Variants in FBXL7 observed in about 807,000 individuals in gnomAD.
FBXL7 encodes the protein F-box/LRR-repeat protein 7.
In FBXL7, 12 loss-of-function variants were observed where a neutral mutation model predicts 38.3. The ratio of observed to expected loss-of-function variants is 0.31; its 90% CI spans 0.20 to 0.51. The LOEUF is 0.51. FBXL7 is among the 20% of genes least tolerant of loss of function. The pLI, the probability that FBXL7 is intolerant of heterozygous loss-of-function variation, is 0.98. For missense variants in FBXL7, 567 were observed against 676.4 expected (o/e 0.84, Z 1.79); for synonymous variants, 297 against 300.9 (o/e 0.99, Z 0.13).
intron 2 of FBXL7, among the ~76,000 whole-genome samples, chr5:15,776,812 G>A (rs1736867594): frequency 6.6e-6 from 1 of 151,922 alleles, no homozygotes. Flanking sequence ...ACATAACAAT[G>A]GATAATGGTA....
At chr5:15,766,562 G>A (rs1395416293) in intron 2 of FBXL7, among the ~76,000 whole-genome samples, 1 of 152,284 alleles carries the variant, frequency 6.6e-6, no homozygotes. Flanking sequence ...ATATTTAAAA[G>A]GCTGCTTTGG....
intron 2 of FBXL7, among the ~76,000 whole-genome samples, chr5:15,864,302 C>A (rs1739610702): frequency 6.6e-6 from 1 of 152,114 alleles, no homozygotes; most frequent in Non-Finnish European, 1.5e-5. Flanking sequence ...TGGACTAAGA[C>A]ACCATTTCTA....
chr5:15,857,180 C>T (rs1739297133), intron 2 of FBXL7, among the ~76,000 whole-genome samples: 1 of 152,112 alleles, frequency 6.6e-6, no homozygotes, highest in Non-Finnish European at 1.5e-5. Context: ...AAACACTGAG[C>T]CTGAGAGGGG....
intron 1 of FBXL7, among the ~76,000 whole-genome samples, chr5:15,566,820 A>G (rs1188340581): frequency 6.6e-6 from 1 of 152,154 alleles, no homozygotes. Flanking sequence ...GGACCTATTT[A>G]TGGTGACTTG....
At chr5:15,533,252 G>A (rs1737479715) in intron 1 of FBXL7, among the ~76,000 whole-genome samples, 1 of 152,184 alleles carries the variant, frequency 6.6e-6, no homozygotes, top group African/African-American at 2.4e-5. Context: ...AATGCTCTGT[G>A]TACTGTGGCT....
intron 2 of FBXL7, among the ~76,000 whole-genome samples, chr5:15,631,541 C>T (rs1740996069): frequency 1.3e-5 from 2 of 151,414 alleles, no homozygotes; most frequent in African/African-American, 4.8e-5. Flanking sequence ...ACTAAAAATA[C>T]AAAAAATTAG....
At chr5:15,508,258 G>A (rs1297405186) in intron 1 of FBXL7, among the ~76,000 whole-genome samples, 1 of 152,158 alleles carries the variant, frequency 6.6e-6, no homozygotes, top group African/African-American at 2.4e-5. Context: ...CAGAGTGGTT[G>A]TATGGGTACT....
chr5:15,722,834 A>T (rs532872626), intron 2 of FBXL7, among the ~76,000 whole-genome samples: 48 of 152,076 alleles, frequency 3.2e-4, no homozygotes, highest in Admixed American at 8.5e-4. Flanking sequence ...GAGGCAGGAG[A>T]ATCACTTGAA....
At chr5:15,689,291 T>C (rs1040227722) in intron 2 of FBXL7, among the ~76,000 whole-genome samples, 1 of 147,200 alleles carries the variant, frequency 6.8e-6, no homozygotes, top group Admixed American at 6.9e-5. Context: ...TTTAGAAAAA[T>C]GCACAAGGTA....
chr5:15,575,134 G>GATTCTTT (rs1738916741), intron 1 of FBXL7, among the ~76,000 whole-genome samples: 2 of 152,094 alleles, frequency 1.3e-5, no homozygotes, highest in Non-Finnish European at 2.9e-5. Flanking sequence ...CCACAACAAA[G>GATTCTTT]AATCATCCGG....
At chr5:15,838,895 AT>A (rs1738661933) in intron 2 of FBXL7, among the ~76,000 whole-genome samples, 1 of 152,100 alleles carries the variant, frequency 6.6e-6, no homozygotes, top group Non-Finnish European at 1.5e-5. Context: ...TTTACATTAT[AT>A]TTTGCCCTAA....
intron 2 of FBXL7, among the ~76,000 whole-genome samples, chr5:15,706,646 A>G (rs995394955): frequency 3.3e-5 from 5 of 152,238 alleles, no homozygotes; most frequent in African/African-American, 9.6e-5. Context: ...CCAGTTATGG[A>G]AAGATTTGTA....
chr5:15,576,727 C>A (rs1246026132), intron 1 of FBXL7, among the ~76,000 whole-genome samples: 1 of 151,422 alleles, frequency 6.6e-6, no homozygotes, highest in Non-Finnish European at 1.5e-5. Flanking sequence ...CTTGATGAAA[C>A]CATAAAGTTT....
At chr5:15,540,115 TATC>T (rs1466342250) in intron 1 of FBXL7, among the ~76,000 whole-genome samples, 2 of 152,266 alleles carry the variant, frequency 1.3e-5, no homozygotes, top group African/African-American at 4.8e-5. Context: ...ACAAGGAAAA[TATC>T]ATGCAAAAGC....
intron 1 of FBXL7, among the ~76,000 whole-genome samples, chr5:15,575,519 TA>T (rs1738928988): frequency 6.6e-6 from 1 of 152,222 alleles, no homozygotes; most frequent in Admixed American, 6.5e-5. Context: ...GTTAGAGGCA[TA>T]AATGGATGGC....
intron 2 of FBXL7, among the ~76,000 whole-genome samples, chr5:15,639,657 A>C (rs770470920): frequency 6.6e-6 from 1 of 152,062 alleles, no homozygotes; most frequent in African/African-American, 2.4e-5. Context: ...CAAGTTTCTC[A>C]TTTGAGAAAA....
intron 2 of FBXL7, among the ~76,000 whole-genome samples, chr5:15,636,701 T>A (rs1400581943): frequency 6.6e-5 from 10 of 151,278 alleles, no homozygotes; most frequent in Admixed American, 6.6e-4. Flanking sequence ...TTTTTGCATA[T>A]GTGGTCGCTG....
chr5:15,737,892 A>G (rs1306013674), intron 2 of FBXL7, among the ~76,000 whole-genome samples: 1 of 152,172 alleles, frequency 6.6e-6, no homozygotes, highest in Admixed American at 6.5e-5. Flanking sequence ...CTGTGTTACC[A>G]TCTTTGCTCA....
chr5:15,639,172 A>G (rs1019529294), intron 2 of FBXL7, among the ~76,000 whole-genome samples: 1 of 152,198 alleles, frequency 6.6e-6, no homozygotes, highest in Non-Finnish European at 1.5e-5. Flanking sequence ...TGCATAGTAC[A>G]CCTGGATCTT....
Sources: allele counts gnomAD v4.1 joint callset (sites outside exome capture counted in the v4.1 genomes callset), GRCh38; gene constraint gnomAD v4.1.1; transcripts MANE v1.5; gene names NCBI Gene and HGNC (gene_info 2026-07-23, HGNC 2026-07-21).